The following LATS1 variants were observed in gnomAD, a reference collection of about 807,000 sequenced individuals.
The protein encoded by LATS1 is large tumor suppressor kinase 1, also known as serine/threonine-protein kinase LATS1.
LATS1 carries 25 observed loss-of-function variants against 106.6 expected under a neutral mutation model. The observed-to-expected ratio is 0.23, with a 90% confidence interval of 0.17 to 0.33. The LOEUF is 0.33. Among genes scored for constraint, LATS1 ranks in the 10% least tolerant of loss-of-function variants. The pLI is 1.00. For missense variants in LATS1, 1,040 were observed against 1,382.6 expected (o/e 0.75, Z 3.93); for synonymous variants, 465 against 455.6 (o/e 1.02, Z -0.26).
At position 149,680,166 on chromosome 6, in the gene LATS1, G is replaced by A. The variant is rs1781956364; in HGVS notation, c.2302C>T (p.Leu768=). 6.2e-7 allele frequency: 1 copy of A among 1,614,024 alleles called. No individual in the cohort carries two copies. Among genetic ancestry groups the A allele is most frequent in the Non-Finnish European group, 8.5e-7 (1 of 1,179,958 alleles). The change falls in exon 5 of 8, where the codon CTA becomes TTA. Residue 768 remains leucine, a synonymous_variant. Coordinates refer to ENST00000543571, the MANE Select transcript of LATS1 (RefSeq NM_004690.4). The part of the protein sequence containing the change: ...AEADNEWVVR[L]YYSFQDKDNL... ...TCCTTATCTTGGAATGAATAATATA[G>A]ACGAACTACCCATTCATTGTCAGCT...
At position 149,678,164 on chromosome 6, in the gene LATS1, C is replaced by CAAAAAAAAAAAAAAAAA. The variant is rs56884854; in HGVS notation, c.2594-1444_2594-1428dup. 3.7e-4 allele frequency among the ~76,000 whole-genome samples: 16 copies of CAAAAAAAAAAAAAAAAA among 43,510 alleles called. 8 individuals carry two copies. Among genetic ancestry groups the CAAAAAAAAAAAAAAAAA allele is most frequent in the Admixed American group, 1.2e-3 (4 of 3,360 alleles). 28.5% of individuals were successfully genotyped at this position (43,510 alleles called of 152,430 possible). On this transcript the variant is annotated intron_variant, in intron 5 of 7. Coordinates refer to ENST00000543571, the MANE Select transcript of LATS1 (RefSeq NM_004690.4). ...TGAAACCTGGTCTCTACTAAAAATCCAAAAAAAAAAAAAAAAAAAAAAAAA... is the reference window on the plus strand; with the variant it reads ...TGAAACCTGGTCTCTACTAAAAATCCAAAAAAAAAAAAAAAAAAAAAAAAAAAAAAAAAAAAAAAAAA...
chr6:149,696,987 T>C, intron 2 of LATS1: 1 of 486,402 alleles, frequency 2.1e-6, no homozygotes, highest in Non-Finnish European at 3.9e-6. Context: ...TGTTGGCTGC[T>C]CTCTTCCACT....
In LATS1 at chr6:149,695,185, T is replaced by C; in HGVS notation, c.385A>G (p.Arg129Gly). 6.2e-7 allele frequency: 1 copy of C among 1,609,188 alleles called. No individual in the cohort carries two copies. The highest frequency in any genetic ancestry group is 8.5e-7 in the Non-Finnish European group (1 of 1,176,484). The change falls in exon 3 of 8, where the codon AGA (arginine) becomes GGA (glycine). Residue 129 changes from arginine to glycine, a missense_variant. Physicochemically the swap from Arg to Gly is moderately radical, Grantham distance 125. Around this residue, in one of 7 missense-constraint regions of LATS1, gnomAD observed 624 missense variants for 714.8 expected, o/e 0.87. Transcript: ENST00000543571. ...AATTCAATTGCTGCTTCTATACTTC[T>C]GTTGTTAGTTTTCTGAAGAGCTTGT... The part of the protein sequence containing the change: ...VIQALQKTNN[R>G]SIEAAIEFIS...
chr6:149,669,985 A>G (rs1217604879), intron 7 of LATS1, among the ~76,000 whole-genome samples: 3 of 151,570 alleles, frequency 2.0e-5, no homozygotes, highest in African/African-American at 7.3e-5. Context: ...CAGCCTGGCC[A>G]ACACAGTGAA....
chr6:149,715,059 T>C (rs1262249447), intron 1 of LATS1, among the ~76,000 whole-genome samples: 1 of 152,006 alleles, frequency 6.6e-6, no homozygotes, highest in East Asian at 1.9e-4. Flanking sequence ...TATTTATTTA[T>C]TTATTATTTC....
intron 5 of LATS1, among the ~76,000 whole-genome samples, chr6:149,679,506 G>C (rs7752594): frequency 0.45 from 67,206 of 149,416 alleles, 16,181 homozygotes; most frequent in East Asian, 0.81. Context: ...GAGCCAAGAT[G>C]GTGCCACTGC....
chr6:149,687,227 AT>A (rs1280089351), intron 3 of LATS1, among the ~76,000 whole-genome samples: 3 of 151,638 alleles, frequency 2.0e-5, no homozygotes, highest in African/African-American at 7.3e-5. Context: ...TGTAGCTGGG[AT>A]TACAGGCAGG....
chr6:149,667,776 A>G (rs972379483), intron 7 of LATS1, among the ~76,000 whole-genome samples: 2 of 152,232 alleles, frequency 1.3e-5, no homozygotes, highest in Non-Finnish European at 2.9e-5. Context: ...ACAGAAAAAA[A>G]ATTATTGAAA....
rs1782152084 is a variant in LATS1, at chr6:149,683,152, T to C, written c.1937A>G (p.His646Arg). The C allele has an allele frequency of 6.2e-7, 1 of 1,613,484 alleles. No homozygotes were observed. Among genetic ancestry groups the C allele is most frequent in the African/African-American group, 1.3e-5 (1 of 75,054 alleles). Residue 646 changes from histidine to arginine, a missense_variant, in exon 4 of 8, where the codon CAT becomes CGT. His to Arg is a conservative substitution (Grantham distance 29). Coordinates refer to ENST00000543571, the MANE Select transcript of LATS1 (RefSeq NM_004690.4). ...ATGAGATTTGAGTACATTTTCTACA[T>C]GTTGCTCCATAAAGAATTTAAATGC... ...PQAFKFFMEQ[H>R]VENVLKSHQQ...
At chr6:149,709,786 C>T (rs1783991804) in intron 1 of LATS1, among the ~76,000 whole-genome samples, 1 of 150,664 alleles carries the variant, frequency 6.6e-6, no homozygotes, top group Admixed American at 6.7e-5. Flanking sequence ...AGTGATTCTC[C>T]TGCCTCAGCC....
intron 7 of LATS1, among the ~76,000 whole-genome samples, chr6:149,669,230 T>A (rs1315571857): frequency 6.6e-6 from 1 of 151,874 alleles, no homozygotes; most frequent in African/African-American, 2.4e-5. Context: ...GCCTCCCAGG[T>A]TCACGCCATT....
chr6:149,678,162 TCCAAAAA>T (rs1287653561), intron 5 of LATS1, among the ~76,000 whole-genome samples: 11 of 28,626 alleles, frequency 3.8e-4, no homozygotes, highest in South Asian at 1.3e-3. Flanking sequence ...CTACTAAAAA[TCCAAAAA>T]AAAAAAAAAA....
intron 7 of LATS1, among the ~76,000 whole-genome samples, chr6:149,666,113 T>C (rs1582838768): frequency 8.6e-6 from 1 of 115,720 alleles, no homozygotes; most frequent in Non-Finnish European, 1.6e-5. Context: ...CACTCCAGCC[T>C]GGGTGACAGA....
At position 149,678,164 on chromosome 6, in the gene LATS1, C is replaced by CAAAAAAAAAAAAAAA. The variant is rs56884854; in HGVS notation, c.2594-1442_2594-1428dup. On this transcript the variant is annotated intron_variant, in intron 5 of 7. Coordinates refer to ENST00000543571, the MANE Select transcript of LATS1 (RefSeq NM_004690.4). ...TGAAACCTGGTCTCTACTAAAAATCCAAAAAAAAAAAAAAAAAAAAAAAAA... is the reference window on the plus strand; with the variant it reads ...TGAAACCTGGTCTCTACTAAAAATCCAAAAAAAAAAAAAAAAAAAAAAAAAAAAAAAAAAAAAAAA... 1.2e-3 allele frequency among the ~76,000 whole-genome samples: 53 copies of CAAAAAAAAAAAAAAA among 43,512 alleles called. 18 individuals are homozygous for CAAAAAAAAAAAAAAA. The highest frequency in any genetic ancestry group is 3.0e-3 in the East Asian group (6 of 1,972). 28.5% of individuals were successfully genotyped at this position (43,512 alleles called of 152,430 possible).
At chr6:149,674,141 C>T (rs973939889) in intron 7 of LATS1, among the ~76,000 whole-genome samples, 1 of 151,330 alleles carries the variant, frequency 6.6e-6, no homozygotes, top group African/African-American at 2.4e-5. Context: ...ATGGTGTGAT[C>T]TCAGCTCACT....
In LATS1 at chr6:149,683,702, T is replaced by G. The variant is rs1328977941; in HGVS notation, c.1387A>C (p.Asn463His). The stretch of plus-strand genomic sequence containing the variant: ...TTTCCTAATGGGTTATTAAAAGAAT[T>G]TGACCTCACTGGTATGTTAGGTTGC... ...TWQPNIPVRSNSFNNPLGNRA... is the reference protein window; with the variant it reads ...TWQPNIPVRSHSFNNPLGNRA... Residue 463 changes from asparagine (N) to histidine (H), a missense_variant, in exon 4 of 8, where the codon AAT becomes CAT. By Grantham distance (68) the Asn-to-His change is moderately conservative. Transcript: ENST00000543571. 3 of 1,614,146 alleles carry G rather than the reference T, an allele frequency of 1.9e-6. No homozygotes were observed. Among genetic ancestry groups the G allele is most frequent in the Non-Finnish European group, 1.7e-6 (2 of 1,180,034 alleles).
chr6:149,676,486 G>C, intron 6 of LATS1, 69 bp downstream of exon 6: 1 of 1,448,828 alleles, frequency 6.9e-7, no homozygotes, highest in Non-Finnish European at 9.5e-7. Context: ...TGAAAAATAA[G>C]GCATATTCTA....
chr6:149,688,867 T>C (rs577677191), intron 3 of LATS1, among the ~76,000 whole-genome samples: 11 of 152,008 alleles, frequency 7.2e-5, no homozygotes, highest in Non-Finnish European at 2.9e-5. Flanking sequence ...AGGGATAATA[T>C]ATGAGTTCAG....
intron 1 of LATS1, among the ~76,000 whole-genome samples, chr6:149,713,182 A>C (rs1784201500): frequency 6.6e-6 from 1 of 152,142 alleles, no homozygotes; most frequent in East Asian, 1.9e-4. Flanking sequence ...CTTCCAAATA[A>C]ATCAAGGTCC....
Sources: allele counts gnomAD v4.1 joint callset (sites outside exome capture counted in the v4.1 genomes callset), GRCh38; gene constraint gnomAD v4.1.1; regional missense constraint gnomAD v4.1.1; transcripts MANE v1.5; gene names NCBI Gene and HGNC (gene_info 2026-07-23, HGNC 2026-07-21).